The following TOM1L1 variants were observed in gnomAD, a reference collection of about 807,000 sequenced individuals.
TOM1L1 encodes the protein TOM1-like protein 1.
TOM1L1 carries 64 observed loss-of-function variants against 63.4 expected under a neutral mutation model. The observed-to-expected ratio is 1.01, with a 90% confidence interval of 0.83 to 1.24. The LOEUF (loss-of-function observed/expected upper bound fraction) is 1.24, where lower values mean the gene tolerates loss of function less well. TOM1L1 is among the 50% of genes most tolerant of loss of function. The probability of loss-of-function intolerance (pLI) is 0.00; values close to 1 mark genes in which losing one functional copy is unlikely to be tolerated. For synonymous variants in TOM1L1, 166 were observed against 194.4 expected (o/e 0.85, Z 1.22); for missense variants, 536 against 567.0 (o/e 0.95, Z 0.55).
chr17:54,935,906 T>A (rs141610743), intron 8 of TOM1L1, among the ~76,000 whole-genome samples: 272 of 152,272 alleles, frequency 1.8e-3, no homozygotes, highest in African/African-American at 5.7e-3. Context: ...GCGGATCACC[T>A]GAGGTCGGGA....
chr17:54,935,814 A>C (rs1344505494), intron 8 of TOM1L1, among the ~76,000 whole-genome samples: 5 of 152,142 alleles, frequency 3.3e-5, no homozygotes. Context: ...GGTATGTGTT[A>C]AGTGTCTTAT....
intron 14 of TOM1L1, chr17:54,958,475 A>AGGCGG (rs2077009872): frequency 6.6e-6 from 1 of 152,330 alleles, no homozygotes; most frequent in East Asian, 1.9e-4. Context: ...TCACGCCTAT[A>AGGCGG]ATCCCAGCAC....
At chr17:54,948,066 A>C (rs2049149132) in intron 12 of TOM1L1, among the ~76,000 whole-genome samples, 1 of 152,118 alleles carries the variant, frequency 6.6e-6, no homozygotes, top group Admixed American at 6.5e-5. Flanking sequence ...AGCGCTTGAC[A>C]TCCACCTTTT....
intron 7 of TOM1L1, among the ~76,000 whole-genome samples, chr17:54,929,294 A>T (rs2048817673): frequency 3.3e-5 from 5 of 151,762 alleles, no homozygotes; most frequent in Admixed American, 3.3e-4. Context: ...TGCTTGTTTT[A>T]AAAAAATGTA....
intron 1 of TOM1L1, among the ~76,000 whole-genome samples, chr17:54,901,879 A>T (rs944563276): frequency 6.6e-6 from 1 of 152,082 alleles, no homozygotes; most frequent in African/African-American, 2.4e-5. Context: ...ACCATTGAGG[A>T]GATGCTTTCC....
intron 7 of TOM1L1, among the ~76,000 whole-genome samples, chr17:54,926,151 A>C (rs2143836847): frequency 6.6e-6 from 1 of 152,318 alleles, no homozygotes; most frequent in South Asian, 2.1e-4. Flanking sequence ...ACTCTTAGGC[A>C]GTAAAACCAT....
intron 1 of TOM1L1, chr17:54,901,215 G>C (rs1037637809): frequency 8.4e-6 from 4 of 478,062 alleles, no homozygotes; most frequent in African/African-American, 7.8e-5. Flanking sequence ...GAGTGTTTGG[G>C]CCTCCACGAG....
At chr17:54,926,738 G>A (rs1176956783) in intron 7 of TOM1L1, among the ~76,000 whole-genome samples, 1 of 152,146 alleles carries the variant, frequency 6.6e-6, no homozygotes, top group Non-Finnish European at 1.5e-5. Context: ...ATTAAGAGTA[G>A]AAAGGACTGT....
At chr17:54,917,587 A>G (rs895284807) in intron 7 of TOM1L1, 1 of 152,126 alleles carries the variant, frequency 6.6e-6, no homozygotes, top group African/African-American at 2.4e-5. Context: ...GATAATAATT[A>G]TATTTAACGC....
Position 54,915,847 on chromosome 17 carries a change from C to T in TOM1L1, c.705C>T (p.Asp235=), listed in dbSNP as rs780978114. 2.5e-6 allele frequency: 4 copies of T among 1,612,942 alleles called. No homozygotes were observed. The highest frequency in any genetic ancestry group is 3.4e-6 in the Non-Finnish European group (4 of 1,179,054). Residue 235 remains aspartate (D), a synonymous_variant, in exon 7 of 16, where the codon GAC becomes GAT. Coordinates refer to ENST00000575882, the MANE Select transcript of TOM1L1 (RefSeq NM_005486.3). ...CTCCTGGGTCTGAAAACCATGAAGA[C>T]ATAGAGCTTCTGCAGGTGTTGTACG... The part of the protein sequence containing the change: ...ENTPGSENHE[D]IELLQKLYKT...
intron 12 of TOM1L1, among the ~76,000 whole-genome samples, chr17:54,949,219 T>TTTTTTTTTTTTTTA (rs58698078): frequency 6.9e-6 from 1 of 145,434 alleles, no homozygotes; most frequent in African/African-American, 2.7e-5. Flanking sequence ...TTTTTTTTTT[T>TTTTTTTTTTTTTTA]GTAGAGTTGG....
intron 4 of TOM1L1, 138 bp downstream of exon 4, chr17:54,912,953 G>A (rs2048520310): frequency 2.6e-6 from 2 of 783,636 alleles, no homozygotes; most frequent in Non-Finnish European, 3.5e-6. Flanking sequence ...TAGTTTCTGT[G>A]TAATAATAAT....
At chr17:54,927,296 T>C (rs1017822112) in intron 7 of TOM1L1, among the ~76,000 whole-genome samples, 1 of 152,218 alleles carries the variant, frequency 6.6e-6, no homozygotes, top group African/African-American at 2.4e-5. Flanking sequence ...AGAGACATTT[T>C]AAAGCAAACA....
intron 5 of TOM1L1, among the ~76,000 whole-genome samples, chr17:54,914,322 G>A (rs1261350726): frequency 6.8e-6 from 1 of 147,194 alleles, no homozygotes; most frequent in Non-Finnish European, 1.5e-5. Flanking sequence ...AACCCAAAGA[G>A]AAGGCATCAA....
chr17:54,949,396 C>T, intron 12 of TOM1L1, 122 bp from the exon 13 acceptor site: 1 of 664,966 alleles, frequency 1.5e-6, no homozygotes, highest in South Asian at 2.2e-5. Context: ...TAATTAAAAA[C>T]AACTTATTCT....
In TOM1L1 at chr17:54,905,479, A is replaced by G; in HGVS notation, c.144-10A>G. The stretch of plus-strand genomic sequence containing the variant: ...CTAAATTGGTGATTTCAGTGTATTT[A>G]TTGCTATAGGCCAAAAGATGCAGTG... On this transcript the variant is annotated splice_polypyrimidine_tract_variant and intron_variant, in intron 2 of 15. Transcript: ENST00000575882. The G allele has an allele frequency of 1.3e-6, 2 of 1,597,504 alleles. No individual in the cohort carries two copies. Among genetic ancestry groups the G allele is most frequent in the South Asian group, 1.1e-5 (1 of 88,732 alleles).
chr17:54,901,445 G>T (rs2048325589), intron 1 of TOM1L1, among the ~76,000 whole-genome samples: 1 of 152,148 alleles, frequency 6.6e-6, no homozygotes, highest in South Asian at 2.1e-4. Context: ...GAATGAAAAT[G>T]CTTGGCATTG....
In TOM1L1 at chr17:54,912,752, G is replaced by A. The variant is rs189499259; in HGVS notation, c.309G>A (p.Lys103=). The A allele has an allele frequency of 1.1e-4, 177 of 1,610,970 alleles. No individual in the cohort carries two copies. Among genetic ancestry groups the A allele is most frequent in the Non-Finnish European group, 1.4e-4 (166 of 1,179,068 alleles). The change falls in exon 4 of 16, where the codon AAG becomes AAA. Residue 103 remains lysine, a synonymous_variant. Transcript: ENST00000575882. ...KKEFVKENLV[K]LLNPRYNLPL... ...AATTTGTTAAAGAGAATTTAGTTAA[G>A]CTACTGAATCCCAGATACAACTTGC...
At chr17:54,901,080 G>A (rs1036058081) in intron 1 of TOM1L1, 157 bp downstream of exon 1, 5 of 987,158 alleles carry the variant, frequency 5.1e-6, no homozygotes, top group Non-Finnish European at 7.5e-6. Context: ...CATTCCACCC[G>A]GCCCCCTTTC....
Sources: gnomAD v4.1 joint callset for allele counts (sites outside exome capture counted in the v4.1 genomes callset) on GRCh38, gnomAD v4.1.1 for gene constraint, MANE v1.5 for transcripts, NCBI Gene and HGNC (gene_info 2026-07-23, HGNC 2026-07-21) for gene names.